The following PCTP variants were observed in gnomAD, a reference collection of about 807,000 sequenced individuals.
PCTP encodes the protein phosphatidylcholine transfer protein.
In PCTP, 27 loss-of-function variants were observed where a neutral mutation model predicts 31.0. The ratio of observed to expected loss-of-function variants is 0.87; its 90% confidence interval spans 0.64 to 1.20. The LOEUF is 1.20. Ranked by LOEUF, PCTP falls within the 50% of genes most tolerant of loss-of-function variation. The probability of loss-of-function intolerance (pLI) is 0.00; values close to 1 mark genes in which losing one functional copy is unlikely to be tolerated. For synonymous variants in PCTP, 108 were observed against 101.2 expected, an observed-to-expected ratio of 1.07 and a Z score of -0.40; for missense variants, 287 against 268.2, an observed-to-expected ratio of 1.07 and a Z score of -0.49.
intron 1 of PCTP, among the ~76,000 whole-genome samples, chr17:55,762,946 A>G (rs1031438244): frequency 3.9e-5 from 6 of 152,222 alleles, no homozygotes; most frequent in African/African-American, 1.2e-4. Context: ...TCTACTTCCA[A>G]CATAATCCTT....
chr17:55,770,812 TA>T, intron 2 of PCTP: 1 of 237,820 alleles, frequency 4.2e-6, no homozygotes, highest in Non-Finnish European at 8.1e-6. Flanking sequence ...CTTGACCTGC[TA>T]GGCTTGGATG....
intron 3 of PCTP, among the ~76,000 whole-genome samples, chr17:55,818,323 A>G (rs1912997003): frequency 6.6e-6 from 1 of 152,234 alleles, no homozygotes; most frequent in African/African-American, 2.4e-5. Context: ...AAACAAGACC[A>G]CTTTCCTAGC....
intron 5 of PCTP, among the ~76,000 whole-genome samples, chr17:55,831,368 G>C (rs1905589820): frequency 2.0e-5 from 3 of 152,164 alleles, no homozygotes; most frequent in Admixed American, 1.3e-4. Context: ...CCACTTTGTG[G>C]TGCAAGAAGC....
intron 5 of PCTP, among the ~76,000 whole-genome samples, chr17:55,829,509 T>A (rs1025608259): frequency 5.9e-5 from 9 of 152,118 alleles, no homozygotes; most frequent in Non-Finnish European, 1.3e-4. Flanking sequence ...GGTTTCAAAC[T>A]CCTGACTTCA....
At chr17:55,793,090 C>T (rs1912061894) in intron 3 of PCTP, among the ~76,000 whole-genome samples, 1 of 152,114 alleles carries the variant, frequency 6.6e-6, no homozygotes, top group Admixed American at 6.6e-5. Flanking sequence ...TCCCAACTCT[C>T]TGAAAAAGGC....
At chr17:55,813,258 A>T (rs930380620) in intron 3 of PCTP, among the ~76,000 whole-genome samples, 1 of 152,144 alleles carries the variant, frequency 6.6e-6, no homozygotes, top group East Asian at 1.9e-4. Context: ...ATGACATTAA[A>T]AGAAGTACGT....
chr17:55,847,164 G>T (rs552616580), downstream of PCTP, among the ~76,000 whole-genome samples: 17 of 152,284 alleles, frequency 1.1e-4, no homozygotes, highest in South Asian at 3.3e-3. Context: ...AACATCTTAT[G>T]TAAGGACAGT....
intron 3 of PCTP, among the ~76,000 whole-genome samples, chr17:55,791,101 T>C (rs1359611757): frequency 6.6e-6 from 1 of 151,870 alleles, no homozygotes; most frequent in East Asian, 1.9e-4. Context: ...TGACTAGCCA[T>C]ATGTAGAAAG....
At chr17:55,802,904 A>G (rs1598007330) in intron 3 of PCTP, among the ~76,000 whole-genome samples, 1 of 151,808 alleles carries the variant, frequency 6.6e-6, no homozygotes, top group South Asian at 2.1e-4. Flanking sequence ...AGGTATTCAA[A>G]TAGGAAGTCA....
downstream of PCTP, among the ~76,000 whole-genome samples, chr17:55,844,348 C>G (rs972952326): frequency 1.3e-5 from 2 of 152,146 alleles, no homozygotes; most frequent in African/African-American, 4.8e-5. Context: ...CTCTGGGTCC[C>G]CAGCACTGTG....
chr17:55,794,083 T>G (rs1336833022), intron 3 of PCTP, among the ~76,000 whole-genome samples: 1 of 152,086 alleles, frequency 6.6e-6, no homozygotes, highest in African/African-American at 2.4e-5. Context: ...GTAACTTGTT[T>G]TAAAAAATAT....
chr17:55,844,950 G>C (rs147753797), downstream of PCTP, among the ~76,000 whole-genome samples: 865 of 151,712 alleles, frequency 5.7e-3, 4 homozygotes, highest in African/African-American at 0.017. Flanking sequence ...AGCCGGGCTT[G>C]GTGGCACATA....
intron 1 of PCTP, among the ~76,000 whole-genome samples, chr17:55,766,251 T>C (rs1910644412): frequency 6.6e-6 from 1 of 150,916 alleles, no homozygotes; most frequent in Non-Finnish European, 1.5e-5. Context: ...CGTCATCAGC[T>C]GCTTTTCTTT....
At chr17:55,764,147 G>GAA (rs1910505689) in intron 1 of PCTP, among the ~76,000 whole-genome samples, 1 of 152,210 alleles carries the variant, frequency 6.6e-6, no homozygotes, top group Non-Finnish European at 1.5e-5. Flanking sequence ...GAGAAGAAGA[G>GAA]AACCAGTGTA....
intron 3 of PCTP, among the ~76,000 whole-genome samples, chr17:55,820,944 G>A (rs1598017074): frequency 6.6e-6 from 1 of 152,200 alleles, no homozygotes; most frequent in Non-Finnish European, 1.5e-5. Flanking sequence ...GTTAGGCAGT[G>A]CAGCCACTTT....
intron 1 of PCTP, among the ~76,000 whole-genome samples, chr17:55,758,532 A>C (rs569263922): frequency 4.6e-5 from 7 of 152,308 alleles, no homozygotes; most frequent in Non-Finnish European, 8.8e-5. Context: ...CCATTACTTC[A>C]GGATTGTAAA....
At chr17:55,802,023 A>T (rs1912401356) in intron 3 of PCTP, among the ~76,000 whole-genome samples, 1 of 152,230 alleles carries the variant, frequency 6.6e-6, no homozygotes, top group South Asian at 2.1e-4. Flanking sequence ...ATAAAAAATG[A>T]TAAAGGGGAT....
downstream of PCTP, among the ~76,000 whole-genome samples, chr17:55,845,085 C>CAAA (rs891404386): frequency 0.017 from 538 of 32,520 alleles, 70 homozygotes; most frequent in African/African-American, 0.019. Context: ...AAAACTCCAT[C>CAAA]AAAAAAAAAA....
In PCTP at chr17:55,767,511, G is replaced by A; in HGVS notation, c.259+59G>A. The A allele has an allele frequency of 3.3e-6, 4 of 1,194,620 alleles. No homozygotes were observed. The Admixed American group carries it at 7.1e-5, about 21-fold the overall frequency. 74.0% of individuals were successfully genotyped at this position (1,194,620 alleles called of 1,614,324 possible). Reference sequence around the variant, plus strand: ...CGTACTTTCACTTTTGTAGCCCAGGGTGAAGTGCAAAGGTAGGATCTCAGC... The same window carrying A: ...CGTACTTTCACTTTTGTAGCCCAGGATGAAGTGCAAAGGTAGGATCTCAGC... On this transcript the variant is annotated intron_variant, in intron 2 of 5. Coordinates refer to ENST00000268896, the MANE Select transcript of PCTP (RefSeq NM_021213.4).
Sources: gnomAD v4.1 joint callset for allele counts (sites outside exome capture counted in the v4.1 genomes callset) on GRCh38, gnomAD v4.1.1 for gene constraint, MANE v1.5 for transcripts, NCBI Gene and HGNC (gene_info 2026-07-23, HGNC 2026-07-21) for gene names.